AGBL1: variants seen among roughly 807,000 people sequenced by gnomAD.
The protein encoded by AGBL1 is cytosolic carboxypeptidase 4.
Under a neutral mutation model 118.9 loss-of-function variants are expected in AGBL1, and 130 were observed. That is an observed-to-expected ratio of 1.09 (90% CI 0.95 to 1.26). AGBL1 has a LOEUF of 1.26. Among genes scored for constraint, AGBL1 ranks in the 50% most tolerant of loss-of-function variants. The pLI is 0.00. For missense variants in AGBL1, 1,584 were observed against 1,298.1 expected (o/e 1.22, Z -3.38); for synonymous variants, 555 against 478.9 (o/e 1.16, Z -2.08).
intron 1 of AGBL1, chr15:86,105,473 A>G (rs992930325): frequency 7.2e-5 from 11 of 152,222 alleles, no homozygotes; most frequent in African/African-American, 9.6e-5. Flanking sequence ...TGTGTTCTGA[A>G]TATCCCTGAG....
chr15:86,135,051 G>C (rs1485572716), intron 1 of AGBL1, among the ~76,000 whole-genome samples: 1 of 152,178 alleles, frequency 6.6e-6, no homozygotes, highest in Non-Finnish European at 1.5e-5. Context: ...GCCTTGCACA[G>C]AGTAGGCATT....
chr15:86,095,646 C>CT (rs1896319963), intron 1 of AGBL1, among the ~76,000 whole-genome samples: 13 of 116,678 alleles, frequency 1.1e-4, no homozygotes, highest in East Asian at 2.7e-4. Flanking sequence ...ACCTTGGATA[C>CT]CTTTTTTTTT....
intron 5 of AGBL1, among the ~76,000 whole-genome samples, chr15:86,173,527 T>C (rs540295037): frequency 1.3e-5 from 2 of 152,268 alleles, no homozygotes; most frequent in East Asian, 3.9e-4. Context: ...CAGACCAACC[T>C]TCTGAAGAAT....
intron 21 of AGBL1, among the ~76,000 whole-genome samples, chr15:86,633,850 ATATATATATATAATG>A (rs1210304445): frequency 1.3e-4 from 5 of 39,752 alleles, no homozygotes; most frequent in African/African-American, 2.4e-4. Flanking sequence ...TATATAATGT[ATATATATATATAATG>A]TATATATATA....
At chr15:86,623,068 A>G (rs1235937194) in intron 21 of AGBL1, among the ~76,000 whole-genome samples, 2 of 152,192 alleles carry the variant, frequency 1.3e-5, no homozygotes, top group African/African-American at 4.8e-5. Context: ...TCCAGCAGTA[A>G]TGCAAGCGAT....
At chr15:86,417,371 C>T (rs2081710331) in intron 18 of AGBL1, among the ~76,000 whole-genome samples, 1 of 152,168 alleles carries the variant, frequency 6.6e-6, no homozygotes, top group African/African-American at 2.4e-5. Context: ...TTTCTTCAAT[C>T]ACTTGTCTTG....
At chr15:86,947,587 T>G in intron 23 of AGBL1, among the ~76,000 whole-genome samples, 1 of 152,342 alleles carries the variant, frequency 6.6e-6, no homozygotes, top group East Asian at 1.9e-4. Context: ...AACTTTGTTG[T>G]AATTTTGTTA....
chr15:86,161,781 G>T (rs1439956497), intron 5 of AGBL1, among the ~76,000 whole-genome samples: 1 of 152,128 alleles, frequency 6.6e-6, no homozygotes, highest in African/African-American at 2.4e-5. Context: ...TCAACAGCAA[G>T]ATAAGAACAA....
At position 86,238,685 on chromosome 15, in the gene AGBL1, A is replaced by G. The variant is rs548362620; in HGVS notation, c.527-8986A>G. On this transcript the variant is annotated intron_variant, in intron 6 of 22. Coordinates refer to ENST00000614907, the MANE Select transcript of AGBL1 (RefSeq NM_001386094.1). ...GAAGCACCTTAATTTCAGAAATGCT[A>G]AAATGTGGATAAACATATGCCTGAG... Among the ~76,000 whole-genome samples, 4 of 152,356 alleles carry G rather than the reference A, an allele frequency of 2.6e-5. No homozygotes were observed. In the East Asian group the frequency reaches 7.7e-4, roughly 29 times the overall value.
chr15:86,910,043 AAAG>A lies in AGBL1; in HGVS notation c.*2755_*2757del. ...TATTTTGTGCCCTCAGTAACCAGACAAAGAAGAACAATAAACATTCTAAGTTAA... is the reference window on the plus strand; with the variant it reads ...TATTTTGTGCCCTCAGTAACCAGACAAAGAACAATAAACATTCTAAGTTAA... On this transcript the variant is annotated 3_prime_UTR_variant, in exon 23 of 23. Transcript: ENST00000614907. 6.6e-6 allele frequency: 1 copy of A among 152,378 alleles called. No homozygotes were observed. The highest frequency in any genetic ancestry group is 2.1e-4 in the South Asian group (1 of 4,830). 9.4% of individuals were successfully genotyped at this position (152,378 alleles called of 1,614,324 possible).
At chr15:86,286,413 CTT>C (rs67731137) in intron 16 of AGBL1, among the ~76,000 whole-genome samples, 24,440 of 151,976 alleles carry the variant, frequency 0.16, 2,123 homozygotes, top group Admixed American at 0.2. Context: ...CGTTATTCCT[CTT>C]GTCTAATTGA....
rs569360588 is a variant in AGBL1, at chr15:86,782,368, A to G, written c.3158+107932A>G. On this transcript the variant is annotated intron_variant, in intron 22 of 22. Coordinates refer to ENST00000614907, the MANE Select transcript of AGBL1 (RefSeq NM_001386094.1). ...TATCTCCCATTCCAAGATATATATT[A>G]TTCCCTTGCAAAAGCAGACAAGACA... Among the ~76,000 whole-genome samples, 4 of 152,272 alleles carry G rather than the reference A, an allele frequency of 2.6e-5. No homozygotes were observed. The East Asian group carries it at 7.7e-4, about 29-fold the overall frequency.
intron 19 of AGBL1, among the ~76,000 whole-genome samples, chr15:86,542,476 C>T (rs1456820703): frequency 1.3e-5 from 2 of 151,204 alleles, no homozygotes; most frequent in Non-Finnish European, 2.9e-5. Context: ...AAGCAATTCT[C>T]CTGCCTCAGC....
At chr15:86,791,939 T>G (rs1236005082) in intron 22 of AGBL1, among the ~76,000 whole-genome samples, 2 of 152,086 alleles carry the variant, frequency 1.3e-5, no homozygotes, top group African/African-American at 4.8e-5. Context: ...TTTTGCCATG[T>G]TGGCCAGGCT....
At chr15:86,995,027 G>C (rs767421175) in intron 24 of AGBL1, among the ~76,000 whole-genome samples, 1 of 152,088 alleles carries the variant, frequency 6.6e-6, no homozygotes, top group Non-Finnish European at 1.5e-5. Flanking sequence ...GATGGAGACC[G>C]TGTTACATTA....
intron 24 of AGBL1, among the ~76,000 whole-genome samples, chr15:87,010,605 A>G (rs1223550236): frequency 1.3e-5 from 2 of 152,094 alleles, no homozygotes; most frequent in East Asian, 1.9e-4. Flanking sequence ...GAACTTCACA[A>G]CTTGCGCCAT....
chr15:86,505,824 T>C (rs985626116), intron 18 of AGBL1, among the ~76,000 whole-genome samples: 2 of 152,030 alleles, frequency 1.3e-5, no homozygotes, highest in Non-Finnish European at 2.9e-5. Flanking sequence ...GTATAGCCTA[T>C]GCTTTTTTGT....
intron 3 of AGBL1, among the ~76,000 whole-genome samples, chr15:86,153,224 T>A (rs2077139908): frequency 6.6e-6 from 1 of 152,210 alleles, no homozygotes; most frequent in Non-Finnish European, 1.5e-5. Flanking sequence ...ATGTTTATTT[T>A]GGCACTATTC....
At chr15:86,972,874 A>G (rs1036406539) in intron 23 of AGBL1, among the ~76,000 whole-genome samples, 3 of 151,980 alleles carry the variant, frequency 2.0e-5, no homozygotes, top group Non-Finnish European at 2.9e-5. Context: ...TTTTCTGACA[A>G]TGGTAGATCC....
Sources: gnomAD v4.1 joint callset for allele counts (sites outside exome capture counted in the v4.1 genomes callset) on GRCh38, gnomAD v4.1.1 for gene constraint, MANE v1.5 for transcripts, NCBI Gene and HGNC (gene_info 2026-07-23, HGNC 2026-07-21) for gene names.